FBXL13: variants seen among roughly 807,000 people sequenced by gnomAD.
The protein encoded by FBXL13 is F-box and leucine rich repeat protein 13.
FBXL13 carries 67 observed loss-of-function variants against 83.6 expected under a neutral mutation model. The ratio of observed to expected loss-of-function variants is 0.80; its 90% CI spans 0.66 to 0.98. FBXL13 has a LOEUF of 0.98. Ranked by LOEUF, FBXL13 falls within the 50% of genes least tolerant of loss-of-function variation. FBXL13 has a pLI of 0.00. For missense variants in FBXL13, 822 were observed against 866.5 expected, an observed-to-expected ratio of 0.95 and a Z score of 0.64; for synonymous variants, 272 against 299.5, an observed-to-expected ratio of 0.91 and a Z score of 0.95.
intron 2 of FBXL13, among the ~76,000 whole-genome samples, chr7:103,045,799 C>T (rs908945232): frequency 6.6e-6 from 1 of 152,230 alleles, no homozygotes; most frequent in Non-Finnish European, 1.5e-5. Flanking sequence ...GTCAGGTTCT[C>T]ACTTAGGTGA....
At chr7:102,970,517 A>G (rs1826520881) in intron 6 of FBXL13, among the ~76,000 whole-genome samples, 1 of 152,162 alleles carries the variant, frequency 6.6e-6, no homozygotes, top group Non-Finnish European at 1.5e-5. Context: ...ACTCTGGGAC[A>G]TTTGGCAGAA....
chr7:103,051,170 C>G (rs1041000110), intron 2 of FBXL13, among the ~76,000 whole-genome samples: 1 of 151,416 alleles, frequency 6.6e-6, no homozygotes, highest in Non-Finnish European at 1.5e-5. Flanking sequence ...AATGATTTTT[C>G]CTACCTAAGC....
chr7:103,065,975 G>A (rs1798355930), intron 1 of FBXL13, among the ~76,000 whole-genome samples: 1 of 152,228 alleles, frequency 6.6e-6, no homozygotes, highest in Non-Finnish European at 1.5e-5. Flanking sequence ...CAAGAAGTGA[G>A]GAAGCACACA....
At chr7:102,823,265 CAT>C (rs895931605) in intron 18 of FBXL13, among the ~76,000 whole-genome samples, 4 of 152,154 alleles carry the variant, frequency 2.6e-5, no homozygotes, top group African/African-American at 9.7e-5. Flanking sequence ...AATTTAAAAA[CAT>C]ATGTTTAATA....
chr7:103,020,891 G>A (rs888215348), intron 6 of FBXL13, among the ~76,000 whole-genome samples: 2 of 152,162 alleles, frequency 1.3e-5, no homozygotes, highest in Non-Finnish European at 2.9e-5. Flanking sequence ...TCAATATCGT[G>A]AAAATGGCCA....
chr7:103,054,507 A>G (rs182572332), intron 2 of FBXL13, among the ~76,000 whole-genome samples: 50 of 148,756 alleles, frequency 3.4e-4, no homozygotes, highest in Non-Finnish European at 4.9e-4. Context: ...TTAAACATTT[A>G]TCTTTGTTCT....
intron 11 of FBXL13, among the ~76,000 whole-genome samples, chr7:102,898,188 A>G (rs554210833): frequency 1.3e-5 from 2 of 152,134 alleles, no homozygotes; most frequent in Non-Finnish European, 2.9e-5. Context: ...ACATACATAT[A>G]TATGTGTATA....
chr7:102,932,724 T>G (rs1418308160), intron 8 of FBXL13, among the ~76,000 whole-genome samples: 1 of 152,058 alleles, frequency 6.6e-6, no homozygotes, highest in African/African-American at 2.4e-5. Context: ...CAACCCCTAC[T>G]GTCATTCCCA....
chr7:103,013,812 C>CA lies in FBXL13; in HGVS notation c.495+11250dup, dbSNP rs200165611. ...AGACGAACTAAAGGAAATTAAGAGG[C>CA]AAAAAAAAACCATACAAAAATCAAT... On this transcript the variant is annotated intron_variant, in intron 6 of 19. Transcript: ENST00000313221. Among the ~76,000 whole-genome samples, 186 of 145,724 alleles carry CA rather than the reference C, an allele frequency of 1.3e-3. 1 individual carries two copies. Among genetic ancestry groups the CA allele is most frequent in the African/African-American group, 3.5e-3 (141 of 39,724 alleles).
At position 102,894,551 on chromosome 7, in the gene FBXL13, C is replaced by T. The variant is rs74756283; in HGVS notation, c.1009-10239G>A. ...CTGGCCTGGACAACATATTGAGACC[C>T]GTCTCTAGAAAAAAAATTTGAAAAG... On this transcript the variant is annotated intron_variant, in intron 11 of 19. Coordinates refer to ENST00000313221, the Ensembl canonical transcript of FBXL13. Among the ~76,000 whole-genome samples, 2,384 of 151,668 alleles carry T rather than the reference C, an allele frequency of 0.016. 119 individuals carry two copies. The East Asian group carries it at 0.16, about 10-fold the overall frequency.
At chr7:102,879,285 G>A (rs1182252591) in intron 14 of FBXL13, among the ~76,000 whole-genome samples, 2 of 152,122 alleles carry the variant, frequency 1.3e-5, no homozygotes, top group East Asian at 1.9e-4. Flanking sequence ...TACACCCTCC[G>A]TTTGTTCAGA....
At chr7:103,002,175 A>C (rs1790470337) in intron 6 of FBXL13, among the ~76,000 whole-genome samples, 1 of 152,116 alleles carries the variant, frequency 6.6e-6, no homozygotes, top group Non-Finnish European at 1.5e-5. Context: ...TGTATCTATT[A>C]CAGGTTTTAG....
At chr7:102,957,096 A>T (rs567035763) in intron 8 of FBXL13, among the ~76,000 whole-genome samples, 1 of 152,348 alleles carries the variant, frequency 6.6e-6, no homozygotes, top group Admixed American at 6.5e-5. Flanking sequence ...AAGCAAAAAG[A>T]ACAAAGCTGG....
chr7:102,893,926 G>GAGAGAC (rs1433548082), intron 11 of FBXL13, among the ~76,000 whole-genome samples: 3 of 145,816 alleles, frequency 2.1e-5, no homozygotes, highest in Non-Finnish European at 4.5e-5. Flanking sequence ...GAAAGAGAGA[G>GAGAGAC]AGAGACAGAG....
chr7:102,955,756 T>A (rs1824164510), intron 8 of FBXL13, among the ~76,000 whole-genome samples: 1 of 151,646 alleles, frequency 6.6e-6, no homozygotes, highest in African/African-American at 2.4e-5. Flanking sequence ...TATAAACACC[T>A]CTATGCAAAT....
Position 102,963,754 on chromosome 7 carries a change from TTAAAC to T in FBXL13, c.592-94_592-90del, listed in dbSNP as rs1228575226. On this transcript the variant is annotated intron_variant, in intron 7 of 19. Transcript: ENST00000313221. ...ACAATAATAGACAAATGTGACCTAATTAAACTAAAGAGCTTCTGTACAGCAAAAGA... is the reference window on the plus strand; with the variant it reads ...ACAATAATAGACAAATGTGACCTAATTAAAGAGCTTCTGTACAGCAAAAGA... 3.8e-6 allele frequency: 5 copies of T among 1,306,884 alleles called. No individual in the cohort carries two copies. In the African/African-American group the frequency reaches 4.5e-5, roughly 12 times the overall value. The allele number at this position is 1,306,884 out of a possible 1,614,324, so 81.0% of individuals were successfully genotyped here. A position where few individuals can be genotyped will look rare whatever the true frequency, so the allele number is the denominator to read the frequency against.
chr7:102,910,412 GGA>G (rs1301594880), intron 11 of FBXL13, among the ~76,000 whole-genome samples: 10 of 151,830 alleles, frequency 6.6e-5, no homozygotes, highest in African/African-American at 2.4e-4. Context: ...TGTGTTGGGG[GGA>G]GGGGGTCTTT....
rs559854475 is a variant in FBXL13, at chr7:103,045,399, T to C, written c.-1+10245A>G. Among the ~76,000 whole-genome samples the C allele has an allele frequency of 4.8e-4, 73 of 152,266 alleles. No homozygotes were observed. In the South Asian group the frequency reaches 0.015, roughly 30 times the overall value. On this transcript the variant is annotated intron_variant, in intron 2 of 19. Transcript: ENST00000313221. Reference sequence around the variant, plus strand: ...CCACATTTAGTTCACTTTAACAACTTCCCCCTTTTGGTCATTTTCTCAATT... The same window carrying C: ...CCACATTTAGTTCACTTTAACAACTCCCCCCTTTTGGTCATTTTCTCAATT...
intron 16 of FBXL13, among the ~76,000 whole-genome samples, chr7:102,877,206 T>A (rs894531020): frequency 5.3e-5 from 8 of 152,118 alleles, no homozygotes; most frequent in African/African-American, 1.9e-4. Flanking sequence ...ATGAAACAAA[T>A]CTCAAATTAT....
Sources: gnomAD v4.1 joint callset for allele counts (sites outside exome capture counted in the v4.1 genomes callset) on GRCh38, gnomAD v4.1.1 for gene constraint, MANE v1.5 for transcripts, NCBI Gene and HGNC (gene_info 2026-07-23, HGNC 2026-07-21) for gene names.